EZH2: variants seen among roughly 807,000 people sequenced by gnomAD.
EZH2 encodes the protein enhancer of zeste 2 polycomb repressive complex 2 subunit.
EZH2 carries 18 observed loss-of-function variants against 98.4 expected under a neutral mutation model. That is an observed-to-expected ratio of 0.18 (90% CI 0.13 to 0.27). The LOEUF is 0.27. Ranked by LOEUF, EZH2 falls within the 10% of genes least tolerant of loss-of-function variation. The pLI, the probability that EZH2 is intolerant of heterozygous loss-of-function variation, is 1.00. For missense variants in EZH2, 470 were observed against 935.1 expected, an observed-to-expected ratio of 0.50 and a Z score of 6.49; for synonymous variants, 338 against 312.3, an observed-to-expected ratio of 1.08 and a Z score of -0.87.
chr7:148,877,957 T>C (rs1436451331), intron 1 of EZH2, among the ~76,000 whole-genome samples: 1 of 152,164 alleles, frequency 6.6e-6, no homozygotes, highest in Non-Finnish European at 1.5e-5. Context: ...CGAATGCAAA[T>C]TCCCAGCTGA....
chr7:148,810,145 T>G (rs981775542), intron 17 of EZH2, 188 bp downstream of exon 17: 2 of 469,732 alleles, frequency 4.3e-6, no homozygotes, highest in Non-Finnish European at 7.8e-6. Flanking sequence ...TTCCTGCACA[T>G]CTAGTCTATC....
rs747707159 is a variant in EZH2 at position 148,813,951 on chromosome 7, T to A, written c.1851+8A>T. The A allele has an allele frequency of 1.4e-5, 23 of 1,609,788 alleles. No homozygotes were observed. The highest frequency in any genetic ancestry group is 1.9e-5 in the Non-Finnish European group (22 of 1,177,600). On this transcript the variant is annotated splice_region_variant and intron_variant, in intron 15 of 19. Coordinates refer to ENST00000320356, the MANE Select transcript of EZH2 (RefSeq NM_004456.5). ...CAAACAATCTTCCAGAAGTGACTTGTTGCTCACCTTTTTGGAGCCCCGCTG... is the reference window on the plus strand; with the variant it reads ...CAAACAATCTTCCAGAAGTGACTTGATGCTCACCTTTTTGGAGCCCCGCTG...
At chr7:148,818,643 T>C (rs554122857) in intron 9 of EZH2, among the ~76,000 whole-genome samples, 1 of 152,228 alleles carries the variant, frequency 6.6e-6, no homozygotes, top group African/African-American at 2.4e-5. Context: ...TGTCTTACTA[T>C]TAAAACATCC....
At chr7:148,846,934 A>G (rs1814296360) in intron 2 of EZH2, among the ~76,000 whole-genome samples, 1 of 151,032 alleles carries the variant, frequency 6.6e-6, no homozygotes, top group Admixed American at 6.6e-5. Flanking sequence ...CATGAAATGC[A>G]TCCCTTTATA....
intron 9 of EZH2, chr7:148,818,992 A>C (rs1403689349): frequency 2.2e-6 from 1 of 454,734 alleles, no homozygotes; most frequent in Non-Finnish European, 4.4e-6. Flanking sequence ...TGCAGGTGCC[A>C]TTCAATGAAT....
chr7:148,883,756 C>A (rs1821379855), intron 1 of EZH2, among the ~76,000 whole-genome samples: 1 of 152,010 alleles, frequency 6.6e-6, no homozygotes, highest in East Asian at 1.9e-4. Flanking sequence ...TCCCGTCCCA[C>A]CCGGGCGCTC....
At position 148,847,273 on chromosome 7, in the gene EZH2, T is replaced by A. The variant is rs1488148920; in HGVS notation, c.26A>T (p.Glu9Val). Residue 9 changes from glutamate (E) to valine (V), a missense_variant, in exon 2 of 20, where the codon GAG (glutamate) becomes GTG (valine). By Grantham distance (121) the Glu-to-Val change is moderately radical. Transcript: ENST00000320356. MGQTGKKSEKGPVCWRKRV... is the reference protein window; with the variant it reads MGQTGKKSVKGPVCWRKRV... ...CTTCCGCCAACAAACTGGTCCCTTC[T>A]CAGATTTCTTCCCAGTCTGGCCCAT... is the stretch of plus-strand genomic sequence containing the variant. The A allele has an allele frequency of 6.2e-7, 1 of 1,613,868 alleles. No homozygotes were observed. Among genetic ancestry groups the A allele is most frequent in the African/African-American group, 1.3e-5 (1 of 74,926 alleles).
chr7:148,857,453 A>G (rs1816992980), intron 1 of EZH2, among the ~76,000 whole-genome samples: 1 of 152,234 alleles, frequency 6.6e-6, no homozygotes, highest in African/African-American at 2.4e-5. Flanking sequence ...TATAAATCCA[A>G]AAGTATTCCA....
intron 3 of EZH2, among the ~76,000 whole-genome samples, chr7:148,834,376 CACACACAT>C (rs1269381186): frequency 1.1e-4 from 15 of 138,780 alleles, no homozygotes; most frequent in African/African-American, 3.4e-4. Flanking sequence ...CACACACACA[CACACACAT>C]ATTAAATGTT....
intron 1 of EZH2, among the ~76,000 whole-genome samples, chr7:148,881,944 A>AC (rs1428029939): frequency 4.5e-5 from 6 of 132,360 alleles, no homozygotes; most frequent in Non-Finnish European, 9.4e-5. Context: ...AAAAAAAAAA[A>AC]AACATATACA....
chr7:148,849,348 GA>G (rs1563030700), intron 1 of EZH2, among the ~76,000 whole-genome samples: 1 of 152,196 alleles, frequency 6.6e-6, no homozygotes, highest in Non-Finnish European at 1.5e-5. Flanking sequence ...CTGAGCAAGA[GA>G]AAGCTGGACA....
At chr7:148,842,117 C>T (rs11764515) in intron 3 of EZH2, among the ~76,000 whole-genome samples, 8,194 of 152,240 alleles carry the variant, frequency 0.054, 294 homozygotes, top group Middle Eastern at 0.082. Flanking sequence ...ATACAAAACT[C>T]TTACAAGAAC....
chr7:148,838,063 CTTTTTT>C (rs35838307), intron 3 of EZH2, among the ~76,000 whole-genome samples: 11 of 100,512 alleles, frequency 1.1e-4, no homozygotes, highest in African/African-American at 3.1e-4. Flanking sequence ...GTTTAGACTC[CTTTTTT>C]TTTTTTTTTT....
At chr7:148,833,196 C>T (rs535915293) in intron 3 of EZH2, among the ~76,000 whole-genome samples, 5 of 152,258 alleles carry the variant, frequency 3.3e-5, no homozygotes, top group South Asian at 2.1e-4. Context: ...CGGTGGCTCA[C>T]GCCTGTAATC....
intron 1 of EZH2, among the ~76,000 whole-genome samples, chr7:148,859,161 A>G (rs546390950): frequency 4.6e-5 from 7 of 152,244 alleles, no homozygotes; most frequent in Non-Finnish European, 1.0e-4. Flanking sequence ...GCAATTAACA[A>G]TTAAAAATCT....
At position 148,859,245 on chromosome 7, in the gene EZH2, C is replaced by T. The variant is rs115257970; in HGVS notation, c.-7-11940G>A. 5.0e-3 allele frequency among the ~76,000 whole-genome samples: 761 copies of T among 152,254 alleles called. 7 individuals are homozygous for T. Among genetic ancestry groups the T allele is most frequent in the African/African-American group, 0.017 (699 of 41,528 alleles). On this transcript the variant is annotated intron_variant, in intron 1 of 19. Coordinates refer to ENST00000320356, the MANE Select transcript of EZH2 (RefSeq NM_004456.5). ...AAAGTGTCAGGTGCAGTAGCTCATG[C>T]CTGTGATCCCAGCACTTTGGGAGGC...
chr7:148,861,695 G>C (rs899552945), intron 1 of EZH2, among the ~76,000 whole-genome samples: 1 of 151,926 alleles, frequency 6.6e-6, no homozygotes, highest in Non-Finnish European at 1.5e-5. Context: ...GTGAGGGCAA[G>C]CGTGGTTGCT....
In EZH2 at chr7:148,807,629, G is replaced by C; in HGVS notation, c.*17C>G. The C allele has an allele frequency of 6.3e-7, 1 of 1,587,192 alleles. No individual in the cohort carries two copies. The highest frequency in any genetic ancestry group is 8.6e-7 in the Non-Finnish European group (1 of 1,164,544). On this transcript the variant is annotated 3_prime_UTR_variant, in exon 20 of 20. Coordinates refer to ENST00000320356, the MANE Select transcript of EZH2 (RefSeq NM_004456.5). ...TAAGGCAGCTGTTTCAGAGGAGGGG[G>C]GAGGAGGTAGCAGATGTCAAGGGAT...
At chr7:148,825,163 T>C (rs1330302097) in intron 8 of EZH2, among the ~76,000 whole-genome samples, 2 of 152,236 alleles carry the variant, frequency 1.3e-5, no homozygotes, top group East Asian at 1.9e-4. Flanking sequence ...TATAGTGATA[T>C]CTACATACAA....
Sources: gnomAD v4.1 joint callset for allele counts (sites outside exome capture counted in the v4.1 genomes callset) on GRCh38, gnomAD v4.1.1 for gene constraint, MANE v1.5 for transcripts, NCBI Gene and HGNC (gene_info 2026-07-23, HGNC 2026-07-21) for gene names.